EXOC4: variants seen among roughly 807,000 people sequenced by gnomAD.
The protein encoded by EXOC4 is SEC8-like 1.
A neutral mutation model predicts 107.2 loss-of-function variants in EXOC4; 71 were observed. The ratio of observed to expected loss-of-function variants is 0.66; its 90% CI spans 0.55 to 0.81. EXOC4 has a LOEUF of 0.81. Ranked by LOEUF, EXOC4 falls within the 30% of genes least tolerant of loss-of-function variation. The probability of loss-of-function intolerance (pLI) is 0.00; values close to 1 mark genes in which losing one functional copy is unlikely to be tolerated. For synonymous variants in EXOC4, 456 were observed against 441.2 expected (o/e 1.03, Z -0.42); for missense variants, 1,108 against 1,189.6 (o/e 0.93, Z 1.01).
intron 12 of EXOC4, among the ~76,000 whole-genome samples, chr7:133,897,240 C>T (rs1799339932): frequency 6.8e-6 from 1 of 146,360 alleles, no homozygotes; most frequent in Admixed American, 6.7e-5. Flanking sequence ...GAATGATCCA[C>T]AGTTACATGG....
chr7:133,931,093 C>T (rs1800165337), intron 13 of EXOC4, among the ~76,000 whole-genome samples: 1 of 151,764 alleles, frequency 6.6e-6, no homozygotes, highest in Non-Finnish European at 1.5e-5. Context: ...TAACTATTTT[C>T]CAGTGAGGTT....
intron 13 of EXOC4, among the ~76,000 whole-genome samples, chr7:133,936,812 G>A (rs865943251): frequency 1.3e-5 from 2 of 151,860 alleles, no homozygotes; most frequent in South Asian, 2.1e-4. Context: ...GGTGCATGCC[G>A]GCACGCCTGG....
intron 10 of EXOC4, among the ~76,000 whole-genome samples, chr7:133,677,652 C>G (rs1218444250): frequency 6.6e-6 from 1 of 152,080 alleles, no homozygotes; most frequent in Admixed American, 6.6e-5. Flanking sequence ...TGGCTATGTG[C>G]AAAGAATTGT....
At chr7:133,301,073 A>G (rs1243501179) in intron 3 of EXOC4, among the ~76,000 whole-genome samples, 1 of 152,210 alleles carries the variant, frequency 6.6e-6, no homozygotes, top group Non-Finnish European at 1.5e-5. Flanking sequence ...ATCATTCCAC[A>G]TTCACTGGGA....
At chr7:133,795,538 G>A (rs1796795969) in intron 10 of EXOC4, among the ~76,000 whole-genome samples, 1 of 152,104 alleles carries the variant, frequency 6.6e-6, no homozygotes, top group South Asian at 2.1e-4. Context: ...GGAAACTGAA[G>A]CCTAGGGCTA....
intron 10 of EXOC4, among the ~76,000 whole-genome samples, chr7:133,704,409 C>G (rs926248686): frequency 6.6e-6 from 1 of 152,200 alleles, no homozygotes; most frequent in African/African-American, 2.4e-5. Context: ...TCCATACTTA[C>G]ACTGCTATTC....
At chr7:133,505,493 G>A (rs1400820752) in intron 9 of EXOC4, among the ~76,000 whole-genome samples, 1 of 152,012 alleles carries the variant, frequency 6.6e-6, no homozygotes, top group Non-Finnish European at 1.5e-5. Flanking sequence ...ATGACATCCT[G>A]TATTTAATGG....
intron 12 of EXOC4, among the ~76,000 whole-genome samples, chr7:133,905,315 T>C (rs1046206215): frequency 6.6e-5 from 10 of 152,184 alleles, no homozygotes; most frequent in African/African-American, 2.4e-4. Flanking sequence ...CCTCAGGTAA[T>C]GTCAGGTTAC....
intron 11 of EXOC4, among the ~76,000 whole-genome samples, chr7:133,854,601 C>T (rs1345607365): frequency 6.6e-6 from 1 of 152,000 alleles, no homozygotes; most frequent in Non-Finnish European, 1.5e-5. Context: ...TCAATTCACT[C>T]CTTTAATCCA....
At chr7:133,549,348 C>A (rs189225883) in intron 9 of EXOC4, among the ~76,000 whole-genome samples, 44 of 152,106 alleles carry the variant, frequency 2.9e-4, no homozygotes, top group African/African-American at 1.0e-3. Flanking sequence ...CACTTAGAGG[C>A]CATTGTAGGG....
intron 9 of EXOC4, among the ~76,000 whole-genome samples, chr7:133,607,632 GA>G (rs1409599915): frequency 6.6e-6 from 1 of 152,176 alleles, no homozygotes. Flanking sequence ...AGATCAGAGT[GA>G]ATTGGCACTA....
chr7:133,430,041 C>T (rs977310307), intron 7 of EXOC4, among the ~76,000 whole-genome samples: 4 of 152,214 alleles, frequency 2.6e-5, no homozygotes, highest in African/African-American at 9.7e-5. Context: ...ACACCCTGCC[C>T]TCTTGGTACC....
At chr7:133,760,983 C>CA (rs1368945276) in intron 10 of EXOC4, among the ~76,000 whole-genome samples, 1 of 151,882 alleles carries the variant, frequency 6.6e-6, no homozygotes, top group Admixed American at 6.6e-5. Context: ...AGCTTGATGG[C>CA]AAAAAAACAA....
intron 17 of EXOC4, among the ~76,000 whole-genome samples, chr7:134,056,779 G>A (rs1795935094): frequency 1.3e-5 from 2 of 152,198 alleles, no homozygotes; most frequent in Non-Finnish European, 1.5e-5. Context: ...TGTTCCAAAG[G>A]TGGGGAGCAA....
chr7:133,405,958 A>G (rs1413780865), intron 7 of EXOC4, among the ~76,000 whole-genome samples: 3 of 152,220 alleles, frequency 2.0e-5, no homozygotes, highest in Non-Finnish European at 4.4e-5. Context: ...ACTGTGAGCC[A>G]GACACTGTGT....
At chr7:133,288,829 A>C (rs1794338810) in intron 2 of EXOC4, 93 bp from the exon 3 acceptor site, 1 of 1,010,904 alleles carries the variant, frequency 9.9e-7, no homozygotes, top group Admixed American at 2.2e-5. Context: ...GAACTGCTGC[A>C]TACAGTAGTA....
At chr7:133,504,910 G>C (rs1193316103) in intron 9 of EXOC4, among the ~76,000 whole-genome samples, 1 of 152,000 alleles carries the variant, frequency 6.6e-6, no homozygotes, top group Non-Finnish European at 1.5e-5. Context: ...TATGAAATTA[G>C]ATTTTTGTGA....
chr7:133,903,941 G>A (rs114255844), intron 12 of EXOC4, among the ~76,000 whole-genome samples: 1,839 of 152,186 alleles, frequency 0.012, 47 homozygotes, highest in African/African-American at 0.042. Flanking sequence ...AACTCAGCAC[G>A]GACTGAGTGA....
At chr7:133,808,726 C>T (rs1433315626) in intron 10 of EXOC4, among the ~76,000 whole-genome samples, 1 of 151,894 alleles carries the variant, frequency 6.6e-6, no homozygotes, top group Non-Finnish European at 1.5e-5. Context: ...AGGATGGGCC[C>T]ATGTCTGGGG....
Sources: allele counts gnomAD v4.1 joint callset (sites outside exome capture counted in the v4.1 genomes callset), GRCh38; gene constraint gnomAD v4.1.1; transcripts MANE v1.5; gene names NCBI Gene and HGNC (gene_info 2026-07-23, HGNC 2026-07-21).